Variants in COG5 observed in about 807,000 individuals in gnomAD.
COG5 encodes the protein component of oligomeric golgi complex 5, also known as conserved oligomeric Golgi complex subunit 5.
In COG5, 86 loss-of-function variants were observed where a neutral mutation model predicts 110.4. That is an observed-to-expected ratio of 0.78 (90% CI 0.65 to 0.93). The LOEUF (loss-of-function observed/expected upper bound fraction) is 0.93, where lower values mean the gene tolerates loss of function less well. Among genes scored for constraint, COG5 ranks in the 40% least tolerant of loss-of-function variants. The pLI is 0.00. For missense variants in COG5, 1,077 were observed against 987.0 expected, an observed-to-expected ratio of 1.09 and a Z score of -1.22; for synonymous variants, 360 against 334.6, an observed-to-expected ratio of 1.08 and a Z score of -0.83.
rs539354421 is a variant in COG5, at chr7:107,399,028, C to A, written c.669+13474G>T. Reference sequence around the variant, plus strand: ...ACCAACCCTGCCAACATAGTAAAACCACGTCTCTACTAAAAATATAAAAAT... The same window carrying A: ...ACCAACCCTGCCAACATAGTAAAACAACGTCTCTACTAAAAATATAAAAAT... On this transcript the variant is annotated intron_variant, in intron 7 of 21. Coordinates refer to ENST00000297135, the MANE Select transcript of COG5 (RefSeq NM_006348.5). Among the ~76,000 whole-genome samples the A allele has an allele frequency of 2.0e-5, 3 of 152,044 alleles. No homozygotes were observed. In the South Asian group the frequency reaches 6.2e-4, roughly 32 times the overall value.
chr7:107,294,956 T>C (rs1806527490), intron 12 of COG5, among the ~76,000 whole-genome samples: 1 of 128,910 alleles, frequency 7.8e-6, no homozygotes, highest in Non-Finnish European at 1.6e-5. Context: ...CACACATATA[T>C]ATATACACAC....
chr7:107,274,259 A>C (rs990454206), intron 14 of COG5, among the ~76,000 whole-genome samples: 11 of 152,162 alleles, frequency 7.2e-5, no homozygotes, highest in Admixed American at 3.3e-4. Flanking sequence ...GCACCTGTGA[A>C]TACGCCCTGC....
In COG5 at chr7:107,474,646, T is replaced by C. The variant is rs1796859564; in HGVS notation, c.538+52591A>G. ...AAATACCTGGGAAAACAAGACACTT[T>C]TATGTGTCAGTACAAATGAATACTA... is the stretch of plus-strand genomic sequence containing the variant. On this transcript the variant is annotated intron_variant, in intron 6 of 21. Coordinates refer to ENST00000297135, the MANE Select transcript of COG5 (RefSeq NM_006348.5). This position sits in a 1 kb window ranked among gnomAD's most constrained non-coding sequence, Gnocchi z 5.7. 6.2e-7 allele frequency: 1 copy of C among 1,608,322 alleles called. No homozygotes were observed. Among genetic ancestry groups the C allele is most frequent in the Non-Finnish European group, 8.5e-7 (1 of 1,175,290 alleles).
At chr7:107,262,545 T>C (rs1194921022) in intron 14 of COG5, among the ~76,000 whole-genome samples, 1 of 152,106 alleles carries the variant, frequency 6.6e-6, no homozygotes, top group Non-Finnish European at 1.5e-5. Flanking sequence ...AATGCCTGAG[T>C]GTGAGAAGCT....
At chr7:107,410,696 C>G (rs1273906365) in intron 7 of COG5, among the ~76,000 whole-genome samples, 1 of 152,084 alleles carries the variant, frequency 6.6e-6, no homozygotes. Flanking sequence ...CCCGCCTTGG[C>G]CTCCCAAAGT....
At chr7:107,378,313 G>A (rs1272147648) in intron 7 of COG5, among the ~76,000 whole-genome samples, 4 of 152,112 alleles carry the variant, frequency 2.6e-5, no homozygotes, top group African/African-American at 9.7e-5. Context: ...CAAAGATGAG[G>A]AAAAACCAGC....
chr7:107,513,591 A>G (rs1249830579), intron 6 of COG5, among the ~76,000 whole-genome samples: 2 of 152,226 alleles, frequency 1.3e-5, no homozygotes, highest in Non-Finnish European at 2.9e-5. Context: ...ATAAAGACAC[A>G]TGCACACGTA....
chr7:107,302,817 T>C (rs1362644794), intron 11 of COG5, among the ~76,000 whole-genome samples: 1 of 152,188 alleles, frequency 6.6e-6, no homozygotes, highest in Non-Finnish European at 1.5e-5. Flanking sequence ...CCATGCAATC[T>C]CTGTACATGC....
rs567007247 is a variant in COG5, at chr7:107,522,907, T to C, written c.538+4330A>G. Among the ~76,000 whole-genome samples, 10 of 152,370 alleles carry C rather than the reference T, an allele frequency of 6.6e-5. No individual in the cohort carries two copies. The East Asian group carries it at 1.5e-3, about 24-fold the overall frequency. ...CCATTGATCTTTATGTCTTGATTAC[T>C]TCAAGGAGTCTTTGTAATAAGTCTT... On this transcript the variant is annotated intron_variant, in intron 6 of 21. Coordinates refer to ENST00000297135, the MANE Select transcript of COG5 (RefSeq NM_006348.5).
intron 6 of COG5, among the ~76,000 whole-genome samples, chr7:107,508,925 G>C (rs1799262956): frequency 1.3e-5 from 2 of 152,026 alleles, no homozygotes; most frequent in African/African-American, 4.8e-5. Context: ...ACCAAAAGTA[G>C]ATAAAGCCAC....
At chr7:107,343,294 A>T (rs1811321079) in intron 10 of COG5, among the ~76,000 whole-genome samples, 2 of 152,216 alleles carry the variant, frequency 1.3e-5, no homozygotes, top group South Asian at 2.1e-4. Flanking sequence ...GGGATCATTT[A>T]TACCCCAAAT....
At chr7:107,507,334 C>T (rs1267209618) in intron 6 of COG5, among the ~76,000 whole-genome samples, 1 of 150,066 alleles carries the variant, frequency 6.7e-6, no homozygotes, top group African/African-American at 2.5e-5. Context: ...CTCGCTGTCA[C>T]CCAGGCTGGA....
intron 7 of COG5, among the ~76,000 whole-genome samples, chr7:107,406,258 C>G (rs1026619494): frequency 5.3e-5 from 8 of 152,198 alleles, no homozygotes; most frequent in African/African-American, 1.9e-4. Flanking sequence ...AGTTCCCTGA[C>G]TCCTATTTTT....
intron 6 of COG5, among the ~76,000 whole-genome samples, chr7:107,491,449 T>C (rs1797968208): frequency 6.6e-6 from 1 of 152,096 alleles, no homozygotes; most frequent in Non-Finnish European, 1.5e-5. Context: ...TGCTCTCCAC[T>C]TTGTCCCAAG....
intron 6 of COG5, among the ~76,000 whole-genome samples, chr7:107,415,658 T>TACA (rs1399417297): frequency 6.6e-6 from 1 of 151,472 alleles, no homozygotes; most frequent in Non-Finnish European, 1.5e-5. Context: ...ACGCATTTAT[T>TACA]ACAGTGTTAA....
intron 12 of COG5, among the ~76,000 whole-genome samples, chr7:107,294,944 C>CACACACATATATATAT (rs1205883620): frequency 2.0e-4 from 24 of 118,290 alleles, no homozygotes; most frequent in African/African-American, 3.1e-4. Context: ...CACACACACA[C>CACACACATATATATAT]ACACACATAT....
chr7:107,314,836 A>G (rs1808589124), intron 11 of COG5, among the ~76,000 whole-genome samples: 1 of 152,238 alleles, frequency 6.6e-6, no homozygotes, highest in South Asian at 2.1e-4. Flanking sequence ...TCTGCCAAAC[A>G]GAACATCAAA....
At chr7:107,217,925 A>G (rs1275282335) in intron 19 of COG5, among the ~76,000 whole-genome samples, 1 of 152,088 alleles carries the variant, frequency 6.6e-6, no homozygotes, top group Non-Finnish European at 1.5e-5. Flanking sequence ...GACATGAAAT[A>G]TTACCTGCTT....
At chr7:107,289,489 A>C (rs963433405) in intron 12 of COG5, among the ~76,000 whole-genome samples, 1 of 152,036 alleles carries the variant, frequency 6.6e-6, no homozygotes, top group Non-Finnish European at 1.5e-5. Context: ...GGTCCCTTGA[A>C]ATTCCTTATG....
Sources: allele counts gnomAD v4.1 joint callset (sites outside exome capture counted in the v4.1 genomes callset), GRCh38; gene constraint gnomAD v4.1.1; non-coding constraint Gnocchi (gnomAD v3.1); transcripts MANE v1.5; gene names NCBI Gene and HGNC (gene_info 2026-07-23, HGNC 2026-07-21).